Variants in CDH18 observed in about 807,000 individuals in gnomAD.
CDH18 encodes the protein cadherin 18.
In CDH18, 31 loss-of-function variants were observed where a neutral mutation model predicts 67.9. The ratio of observed to expected loss-of-function variants is 0.46; its 90% CI spans 0.34 to 0.62. The LOEUF is 0.62. Ranked by LOEUF, CDH18 falls within the 20% of genes least tolerant of loss-of-function variation. The pLI is 0.01. For synonymous variants in CDH18, 362 were observed against 347.2 expected, an observed-to-expected ratio of 1.04 and a Z score of -0.48; for missense variants, 890 against 975.5, an observed-to-expected ratio of 0.91 and a Z score of 1.17.
chr5:20,558,802 CA>C (rs1198153195), intron 1 of CDH18, among the ~76,000 whole-genome samples: 1 of 151,632 alleles, frequency 6.6e-6, no homozygotes, highest in Non-Finnish European at 1.5e-5. Context: ...ACTTGAGGGC[CA>C]GTAAGATTTT....
chr5:19,735,639 C>T (rs1287638601), intron 4 of CDH18, among the ~76,000 whole-genome samples: 6 of 151,620 alleles, frequency 4.0e-5, no homozygotes, highest in Non-Finnish European at 8.8e-5. Flanking sequence ...TCATGATCCT[C>T]CCGCCTCGGC....
intron 5 of CDH18, among the ~76,000 whole-genome samples, chr5:19,720,741 T>C (rs533625060): frequency 5.1e-4 from 77 of 152,344 alleles, no homozygotes; most frequent in African/African-American, 1.9e-3. Flanking sequence ...GAGAGCAGAA[T>C]TTATATTTTT....
chr5:19,478,171 A>T (rs773841791), intron 12 of CDH18, among the ~76,000 whole-genome samples: 2 of 152,148 alleles, frequency 1.3e-5, no homozygotes, highest in African/African-American at 4.8e-5. Flanking sequence ...TGCTTGGCAT[A>T]CTAAGTGGCT....
intron 6 of CDH18, among the ~76,000 whole-genome samples, chr5:19,593,710 T>TCCTCCTCCTC (rs1561425870): frequency 8.0e-4 from 7 of 8,732 alleles, no homozygotes; most frequent in African/African-American, 3.7e-3. Flanking sequence ...TCCTCCTCCT[T>TCCTCCTCCTC]CTTCTTCTTC....
At chr5:20,564,730 G>T (rs183757956) in intron 1 of CDH18, among the ~76,000 whole-genome samples, 2 of 152,220 alleles carry the variant, frequency 1.3e-5, no homozygotes, top group African/African-American at 4.8e-5. Flanking sequence ...TTAGAGGGAA[G>T]AAAATTTCAT....
intron 2 of CDH18, among the ~76,000 whole-genome samples, chr5:19,942,997 C>T (rs1794968517): frequency 6.6e-6 from 1 of 152,134 alleles, no homozygotes; most frequent in South Asian, 2.1e-4. Flanking sequence ...ACCCTCGTGC[C>T]TCATGACAGC....
chr5:20,119,981 C>T (rs1384052249), intron 2 of CDH18, among the ~76,000 whole-genome samples: 1 of 151,876 alleles, frequency 6.6e-6, no homozygotes, highest in Non-Finnish European at 1.5e-5. Context: ...CACAATGAAG[C>T]TTCATCAGTC....
chr5:19,850,880 G>T (rs1783602024), intron 2 of CDH18, among the ~76,000 whole-genome samples: 1 of 151,816 alleles, frequency 6.6e-6, no homozygotes, highest in Non-Finnish European at 1.5e-5. Flanking sequence ...CATATATCCA[G>T]TTCTTACATC....
intron 1 of CDH18, among the ~76,000 whole-genome samples, chr5:20,261,552 A>C (rs1255734941): frequency 6.6e-6 from 1 of 152,092 alleles, no homozygotes; most frequent in African/African-American, 2.4e-5. Context: ...CATCCTGGCT[A>C]AAACGGTGAA....
intron 3 of CDH18, among the ~76,000 whole-genome samples, chr5:19,821,282 G>A (rs562928191): frequency 1.3e-5 from 2 of 151,942 alleles, no homozygotes; most frequent in Non-Finnish European, 2.9e-5. Flanking sequence ...ATTGAAAAAG[G>A]TACTACAGGG....
intron 3 of CDH18, among the ~76,000 whole-genome samples, chr5:19,827,116 A>G (rs966653753): frequency 6.6e-6 from 1 of 152,158 alleles, no homozygotes; most frequent in African/African-American, 2.4e-5. Context: ...TAAACCAATG[A>G]ACAAAAAAGG....
chr5:19,548,484 T>C (rs954319608), intron 8 of CDH18, among the ~76,000 whole-genome samples: 1 of 152,106 alleles, frequency 6.6e-6, no homozygotes, highest in African/African-American at 2.4e-5. Flanking sequence ...TAAATGCGTA[T>C]ATGAGTTATT....
chr5:19,743,212 A>T lies in CDH18; in HGVS notation c.523+3730T>A, dbSNP rs1295678317. The stretch of plus-strand genomic sequence containing the variant: ...ACCCAAAGGGAAGAAGCATGATCCC[A>T]TATATTTGTAACAAACGCTATATTT... On this transcript the variant is annotated intron_variant, in intron 4 of 12. Transcript: ENST00000382275. 2.6e-5 allele frequency among the ~76,000 whole-genome samples: 4 copies of T among 152,216 alleles called. No individual in the cohort carries two copies. The East Asian group carries it at 7.7e-4, about 29-fold the overall frequency.
chr5:20,546,830 T>C (rs766825779), intron 1 of CDH18, among the ~76,000 whole-genome samples: 1 of 151,628 alleles, frequency 6.6e-6, no homozygotes, highest in Admixed American at 6.6e-5. Flanking sequence ...CAACCAAGCA[T>C]ACTGAAAAAA....
intron 2 of CDH18, among the ~76,000 whole-genome samples, chr5:19,996,516 AC>A (rs1199334869): frequency 6.6e-6 from 1 of 151,946 alleles, no homozygotes; most frequent in African/African-American, 2.4e-5. Context: ...ATTTCTTGAA[AC>A]TCATGATTAC....
At chr5:19,487,509 T>C (rs1453572178) in intron 11 of CDH18, among the ~76,000 whole-genome samples, 1 of 152,198 alleles carries the variant, frequency 6.6e-6, no homozygotes, top group East Asian at 1.9e-4. Context: ...TGTTTACATG[T>C]CATATATGAA....
At chr5:19,834,783 C>G (rs771841730) in intron 3 of CDH18, among the ~76,000 whole-genome samples, 41 of 151,886 alleles carry the variant, frequency 2.7e-4, no homozygotes, top group Non-Finnish European at 5.1e-4. Context: ...CATTATTTAC[C>G]CAGGAGTCAT....
chr5:20,404,581 C>A (rs1196751317), intron 1 of CDH18, among the ~76,000 whole-genome samples: 3 of 151,854 alleles, frequency 2.0e-5, no homozygotes, highest in Admixed American at 6.6e-5. Flanking sequence ...CTTAGAGCAC[C>A]CATAACACAC....
At chr5:20,310,919 C>T (rs1736923705) in intron 1 of CDH18, among the ~76,000 whole-genome samples, 1 of 152,122 alleles carries the variant, frequency 6.6e-6, no homozygotes, top group Non-Finnish European at 1.5e-5. Flanking sequence ...GCAACTTTAT[C>T]TATAAATTCT....
Sources: gnomAD v4.1 joint callset for allele counts (sites outside exome capture counted in the v4.1 genomes callset) on GRCh38, gnomAD v4.1.1 for gene constraint, MANE v1.5 for transcripts, NCBI Gene and HGNC (gene_info 2026-07-23, HGNC 2026-07-21) for gene names.